The following NAA25 variants were observed in gnomAD, a reference collection of about 807,000 sequenced individuals.
NAA25 encodes the protein N-alpha-acetyltransferase 25, NatB auxiliary subunit, also known as N-terminal acetyltransferase B complex subunit NAA25.
In NAA25, 30 loss-of-function variants were observed where a neutral mutation model predicts 132.5. The observed-to-expected ratio is 0.23, with a 90% CI of 0.17 to 0.31. The LOEUF (loss-of-function observed/expected upper bound fraction) is 0.31, where lower values mean the gene tolerates loss of function less well. NAA25 is among the 10% of genes least tolerant of loss of function. The pLI is 1.00. For missense variants in NAA25, 771 were observed against 1,150.4 expected (o/e 0.67, Z 4.77); for synonymous variants, 359 against 401.9 (o/e 0.89, Z 1.28).
In NAA25 at chr12:112,042,124, A is replaced by C. The variant is rs775760044; in HGVS notation, c.2375-20T>G. On this transcript the variant is annotated intron_variant, in intron 19 of 23. Coordinates refer to ENST00000261745, the MANE Select transcript of NAA25 (RefSeq NM_024953.4). ...TATCCTCTAAAATTGAAAAACAAAA[A>C]ATGAAAAACTTTCAATTCTATTTTT... 1.5e-6 allele frequency: 2 copies of C among 1,295,008 alleles called. No homozygotes were observed. Among genetic ancestry groups the C allele is most frequent in the East Asian group, 2.8e-5 (1 of 36,200 alleles). The allele number at this position is 1,295,008 out of a possible 1,614,324, so 80.2% of individuals were successfully genotyped here. A position where few individuals can be genotyped will look rare whatever the true frequency, so the allele number is the denominator to read the frequency against.
rs1488614355 is a variant in NAA25, at chr12:112,028,722, G to C, written c.*809C>G. The C allele has an allele frequency of 6.6e-6, 1 of 151,890 alleles. No homozygotes were observed. Among genetic ancestry groups the C allele is most frequent in the Non-Finnish European group, 1.5e-5 (1 of 68,002 alleles). The allele number at this position is 151,890 out of a possible 1,614,324, so 9.4% of individuals were successfully genotyped here. The stretch of plus-strand genomic sequence containing the variant: ...TAAATTATGTGCACCTCTCTTCTTT[G>C]AAACAGTCATTCCTATCTTTCCCAA... On this transcript the variant is annotated 3_prime_UTR_variant, in exon 24 of 24. Coordinates refer to ENST00000261745, the MANE Select transcript of NAA25 (RefSeq NM_024953.4).
At chr12:112,035,395 AGC>A (rs988705845) in intron 22 of NAA25, 1 of 152,032 alleles carries the variant, frequency 6.6e-6, no homozygotes, top group African/African-American at 2.4e-5. Context: ...CCTGGGCTCA[AGC>A]TATTCTCTCA....
intron 11 of NAA25, among the ~76,000 whole-genome samples, chr12:112,068,063 G>A (rs547949292): frequency 2.0e-5 from 3 of 152,088 alleles, no homozygotes; most frequent in Admixed American, 2.0e-4. Context: ...TTAAGAGACA[G>A]AGTCTCACTC....
Position 112,029,414 on chromosome 12 carries a change from A to C in NAA25, c.*117T>G. ...AAAAAATTCACGATCAAAGTCCTTC[A>C]TGCATTTTATGAGGAAGTTCTGGAT... On this transcript the variant is annotated 3_prime_UTR_variant, in exon 24 of 24. Transcript: ENST00000261745. 6.7e-7 allele frequency: 1 copy of C among 1,498,486 alleles called. No individual in the cohort carries two copies. The allele number at this position is 1,498,486 out of a possible 1,614,324, so 92.8% of individuals were successfully genotyped here.
chr12:112,044,031 C>T (rs559382407), intron 17 of NAA25, among the ~76,000 whole-genome samples, 163 bp from the exon 18 acceptor site: 1 of 151,786 alleles, frequency 6.6e-6, no homozygotes, highest in South Asian at 2.1e-4. Flanking sequence ...AGGTTCATGC[C>T]ATTCTCCTGC....
intron 1 of NAA25, among the ~76,000 whole-genome samples, chr12:112,095,502 G>A (rs1221086186): frequency 6.6e-6 from 1 of 151,520 alleles, no homozygotes; most frequent in African/African-American, 2.4e-5. Flanking sequence ...CAGCTACTTG[G>A]GAGGTCTGCT....
At chr12:112,080,235 C>T (rs1449404423) in intron 5 of NAA25, among the ~76,000 whole-genome samples, 21 of 140,270 alleles carry the variant, frequency 1.5e-4, no homozygotes, top group Non-Finnish European at 3.2e-4. Flanking sequence ...GAGCTGAGAT[C>T]GCGTCACTGC....
intron 2 of NAA25, among the ~76,000 whole-genome samples, chr12:112,091,243 C>T (rs961613773): frequency 2.9e-4 from 41 of 141,738 alleles, no homozygotes; most frequent in Admixed American, 9.3e-4. Flanking sequence ...GATCCTGTCT[C>T]GAAAAAAAAA....
At position 112,034,493 on chromosome 12, in the gene NAA25, G is replaced by A. The variant is rs34561119; in HGVS notation, c.2650-1114C>T. 579 of 152,462 alleles carry A rather than the reference G, an allele frequency of 3.8e-3. 1 individual carries two copies. The highest frequency in any genetic ancestry group is 6.1e-3 in the Non-Finnish European group (418 of 68,160). 9.4% of individuals were successfully genotyped at this position (152,462 alleles called of 1,614,324 possible). A position where few individuals can be genotyped will look rare whatever the true frequency, so the allele number is the denominator to read the frequency against. On this transcript the variant is annotated intron_variant, in intron 22 of 23. Coordinates refer to ENST00000261745, the MANE Select transcript of NAA25 (RefSeq NM_024953.4). Reference sequence around the variant, plus strand: ...ATACAAAAATTAGCCGTGCATGGTGGCAGGCGCCTGTAATCCCAGCTACTC... The same window carrying A: ...ATACAAAAATTAGCCGTGCATGGTGACAGGCGCCTGTAATCCCAGCTACTC...
chr12:112,081,881 G>A (rs938981747), intron 4 of NAA25, among the ~76,000 whole-genome samples: 3 of 152,172 alleles, frequency 2.0e-5, no homozygotes, highest in Admixed American at 6.6e-5. Flanking sequence ...CAAAGATCGC[G>A]TCCCTGTCCC....
At chr12:112,034,925 C>T (rs1445694209) in intron 22 of NAA25, 1 of 151,748 alleles carries the variant, frequency 6.6e-6, no homozygotes, top group Non-Finnish European at 1.5e-5. Flanking sequence ...ACCAACAATT[C>T]ATCAATATAA....
chr12:112,062,853 G>A (rs2078656564), intron 11 of NAA25, among the ~76,000 whole-genome samples: 1 of 151,914 alleles, frequency 6.6e-6, no homozygotes, highest in Non-Finnish European at 1.5e-5. Flanking sequence ...GATCAGCCTC[G>A]GCACATAGTG....
intron 17 of NAA25, among the ~76,000 whole-genome samples, chr12:112,045,935 G>A (rs575680959): frequency 6.6e-6 from 1 of 151,962 alleles, no homozygotes; most frequent in Non-Finnish European, 1.5e-5. Context: ...AAACAAATTG[G>A]TTACAGTAAT....
intron 15 of NAA25, 54 bp downstream of exon 15, chr12:112,053,504 A>G: frequency 7.8e-7 from 1 of 1,281,490 alleles, no homozygotes; most frequent in Non-Finnish European, 1.1e-6. Flanking sequence ...CGTGCTCCTC[A>G]ATAGTGTGCA....
chr12:112,045,064 C>T (rs1480215863), intron 17 of NAA25, among the ~76,000 whole-genome samples: 1 of 151,742 alleles, frequency 6.6e-6, no homozygotes, highest in Non-Finnish European at 1.5e-5. Context: ...TAATACACAA[C>T]ATAAAAAATG....
At chr12:112,083,647 T>C (rs2079003617) in intron 4 of NAA25, among the ~76,000 whole-genome samples, 1 of 152,172 alleles carries the variant, frequency 6.6e-6, no homozygotes, top group East Asian at 1.9e-4. Context: ...GGGGTACGTA[T>C]ACTCCACAGG....
chr12:112,099,894 C>T (rs1183122583), intron 1 of NAA25, among the ~76,000 whole-genome samples: 1 of 152,174 alleles, frequency 6.6e-6, no homozygotes, highest in Non-Finnish European at 1.5e-5. Flanking sequence ...CCACTTCCTA[C>T]AAGAATTTCA....
chr12:112,074,650 T>TA (rs1200591944), intron 9 of NAA25, 25 bp downstream of exon 9: 1 of 1,480,836 alleles, frequency 6.8e-7, no homozygotes, highest in Non-Finnish European at 9.3e-7. Context: ...AGTGCTGTTA[T>TA]AATTCAGGAA....
Position 112,026,879 on chromosome 12 carries a change from G to C in NAA25, c.*2652C>G, listed in dbSNP as rs2078093504. On this transcript the variant is annotated 3_prime_UTR_variant, in exon 24 of 24. Transcript: ENST00000261745. ...TTTTATATTAAAAGTTAAAATGAAA[G>C]ACAAATCCAGATTGAACATAGTGAT... 1 of 152,334 alleles carries C rather than the reference G, an allele frequency of 6.6e-6. No homozygotes were observed. Among genetic ancestry groups the C allele is most frequent in the South Asian group, 2.1e-4 (1 of 4,828 alleles). The allele number at this position is 152,334 out of a possible 1,614,324, so 9.4% of individuals were successfully genotyped here.
Sources: gnomAD v4.1 joint callset for allele counts (sites outside exome capture counted in the v4.1 genomes callset) on GRCh38, gnomAD v4.1.1 for gene constraint, MANE v1.5 for transcripts, NCBI Gene and HGNC (gene_info 2026-07-23, HGNC 2026-07-21) for gene names.